SPTBN1: variants seen among roughly 807,000 people sequenced by gnomAD.
The protein encoded by SPTBN1 is spectrin beta, non-erythrocytic 1.
In SPTBN1, 32 loss-of-function variants were observed where a neutral mutation model predicts 266.4. The ratio of observed to expected loss-of-function variants is 0.12; its 90% CI spans 0.09 to 0.16. SPTBN1 has a LOEUF of 0.16. SPTBN1 is among the 10% of genes least tolerant of loss of function. The pLI is 1.00. For synonymous variants in SPTBN1, 1,336 were observed against 1,162.2 expected, an observed-to-expected ratio of 1.15 and a Z score of -3.04; for missense variants, 2,296 against 3,067.1, an observed-to-expected ratio of 0.75 and a Z score of 5.94.
chr2:54,548,835 A>G (rs565567667), intron 2 of SPTBN1, among the ~76,000 whole-genome samples: 7 of 152,316 alleles, frequency 4.6e-5, no homozygotes, highest in Admixed American at 3.3e-4. Context: ...AGATTAAGGT[A>G]TGCATGAGGG....
chr2:54,595,085 G>T (rs531983735), intron 2 of SPTBN1, among the ~76,000 whole-genome samples: 9 of 152,200 alleles, frequency 5.9e-5, no homozygotes, highest in South Asian at 4.1e-4. Flanking sequence ...CCACCTCTCA[G>T]CCTCCCAAAG....
At chr2:54,522,646 AAGAG>A (rs70944172) in intron 1 of SPTBN1, among the ~76,000 whole-genome samples, 1 of 56,870 alleles carries the variant, frequency 1.8e-5, no homozygotes, top group Admixed American at 1.7e-4. Flanking sequence ...GAAAGAAAGA[AAGAG>A]AGAGAGAAAG....
chr2:54,508,981 G>A (rs574964290), intron 1 of SPTBN1, among the ~76,000 whole-genome samples: 6 of 152,336 alleles, frequency 3.9e-5, no homozygotes, highest in African/African-American at 9.6e-5. Flanking sequence ...TTTAGAGTCA[G>A]TATAAATATT....
chr2:54,641,523 A>G (rs1414689568), intron 18 of SPTBN1, among the ~76,000 whole-genome samples: 2 of 152,156 alleles, frequency 1.3e-5, no homozygotes, highest in Admixed American at 6.5e-5. Context: ...AACATAGATA[A>G]TTTTTTCCAA....
rs775147323 is a variant in SPTBN1, at chr2:54,649,603, T to C, written c.5203-12T>C. The stretch of plus-strand genomic sequence containing the variant: ...GTGGGCTCTCTGATTTCCTTACCCA[T>C]CCCCGTTTCAGATGTTACAAGAACG... On this transcript the variant is annotated splice_polypyrimidine_tract_variant and intron_variant, in intron 25 of 35. Transcript: ENST00000356805. This position sits in a 1 kb window ranked among gnomAD's most constrained non-coding sequence, Gnocchi z 6.7. 3.7e-6 allele frequency: 6 copies of C among 1,602,632 alleles called. No homozygotes were observed. The East Asian group carries it at 1.3e-4, about 36-fold the overall frequency.
rs1349047575 is a variant in SPTBN1 at position 54,626,311 on chromosome 2, C to A, written c.1644+77C>A. Reference sequence around the variant, plus strand: ...CTTTTCTGTGACTCATTCACTAAACCCCTACGTACAGCTGTGTGCCTTGTC... The same window carrying A: ...CTTTTCTGTGACTCATTCACTAAACACCTACGTACAGCTGTGTGCCTTGTC... On this transcript the variant is annotated intron_variant, in intron 12 of 35. Transcript: ENST00000356805. The surrounding 1 kb of genome is among the most constrained non-coding windows in gnomAD (Gnocchi z 4.7). 7 of 1,494,030 alleles carry A rather than the reference C, an allele frequency of 4.7e-6. No individual in the cohort carries two copies. The highest frequency in any genetic ancestry group is 6.3e-6 in the Non-Finnish European group (7 of 1,111,560). 92.5% of individuals were successfully genotyped at this position (1,494,030 alleles called of 1,614,324 possible).
chr2:54,576,109 C>T (rs893756065), intron 2 of SPTBN1, among the ~76,000 whole-genome samples: 16 of 130,016 alleles, frequency 1.2e-4, no homozygotes, highest in African/African-American at 4.3e-4. Flanking sequence ...GGCTGGAGTG[C>T]AATGGTGCGA....
At position 54,658,007 on chromosome 2, in the gene SPTBN1, C is replaced by T; in HGVS notation, c.6204C>T (p.Thr2068=). ...AGGCATTTGAAAAGTCTGCAGCAAC[C>T]TGGGATGAGAGGTTCTCTGCCCTGG... ...RHEAFEKSAA[T]WDERFSALER... is the part of the protein sequence containing the mutation. Residue 2068 remains threonine, a synonymous_variant, in exon 30 of 36, where the codon ACC becomes ACT. Transcript: ENST00000356805. The T allele has an allele frequency of 6.2e-7, 1 of 1,614,260 alleles. No homozygotes were observed. Among genetic ancestry groups the T allele is most frequent in the Non-Finnish European group, 8.5e-7 (1 of 1,180,034 alleles).
rs1229059820 is a variant in SPTBN1, at chr2:54,507,047, A to T, written c.-47-19325A>T. On this transcript the variant is annotated intron_variant, in intron 1 of 35. Transcript: ENST00000356805. ...GAGTTAAGAGCAATGTTTTGGGGGC[A>T]GGGGGTGGATCTCACAAAGTACATT... 2.0e-5 allele frequency among the ~76,000 whole-genome samples: 3 copies of T among 152,072 alleles called. No individual in the cohort carries two copies. The East Asian group carries it at 5.8e-4, about 29-fold the overall frequency.
Position 54,643,274 on chromosome 2 carries a change from C to A in SPTBN1, c.4005+145C>A, listed in dbSNP as rs892048224. 8.9e-6 allele frequency: 11 copies of A among 1,240,436 alleles called. No homozygotes were observed. In the African/African-American group the frequency reaches 1.5e-4, roughly 17 times the overall value. The allele number at this position is 1,240,436 out of a possible 1,614,324, so 76.8% of individuals were successfully genotyped here. A position where few individuals can be genotyped will look rare whatever the true frequency, so the allele number is the denominator to read the frequency against. ...ACAGCCAGTAATAGCTCCCTTTGCA[C>A]GTACGGGTTCCTGACTTCAACCCAT... On this transcript the variant is annotated intron_variant, in intron 19 of 35. Coordinates refer to ENST00000356805, the MANE Select transcript of SPTBN1 (RefSeq NM_003128.3).
intron 1 of SPTBN1, among the ~76,000 whole-genome samples, chr2:54,495,252 A>C (rs1048893430): frequency 6.6e-6 from 1 of 152,192 alleles, no homozygotes; most frequent in African/African-American, 2.4e-5. Context: ...TACATCACTG[A>C]CGGGTGGTAA....
rs776515710 is a variant in SPTBN1 at position 54,529,469 on chromosome 2, A to T, written c.148+2903A>T. On this transcript the variant is annotated intron_variant, in intron 2 of 35. Coordinates refer to ENST00000356805, the MANE Select transcript of SPTBN1 (RefSeq NM_003128.3). ...CGGCCACAAAAAAAAGAAGATCCGC[A>T]TGTCACCCACCTTCCAGCGGCCCAA... 22 of 714,960 alleles carry T rather than the reference A, an allele frequency of 3.1e-5. No individual in the cohort carries two copies. The East Asian group carries it at 5.8e-4, about 19-fold the overall frequency. The allele number at this position is 714,960 out of a possible 1,614,324, so 44.3% of individuals were successfully genotyped here. A position where few individuals can be genotyped will look rare whatever the true frequency, so the allele number is the denominator to read the frequency against.
intron 18 of SPTBN1, 125 bp downstream of exon 18, chr2:54,637,928 C>A: frequency 1.3e-6 from 1 of 761,358 alleles, no homozygotes; most frequent in Non-Finnish European, 2.1e-6. Context: ...ACCCATTTGA[C>A]TCGCAGGCAG....
At chr2:54,562,445 C>T (rs185800696) in intron 2 of SPTBN1, among the ~76,000 whole-genome samples, 3 of 152,240 alleles carry the variant, frequency 2.0e-5, no homozygotes, top group African/African-American at 4.8e-5. Context: ...AAACCCATCC[C>T]TGGGTTTCAC....
chr2:54,567,897 T>G (rs1673773178), intron 2 of SPTBN1, among the ~76,000 whole-genome samples: 1 of 152,124 alleles, frequency 6.6e-6, no homozygotes, highest in South Asian at 2.1e-4. Context: ...AGTGAGAAAC[T>G]TAGAAACGAC....
intron 1 of SPTBN1, among the ~76,000 whole-genome samples, chr2:54,472,872 A>G (rs1693999591): frequency 6.6e-6 from 1 of 152,272 alleles, no homozygotes. Context: ...TACATGTTAA[A>G]TAGTAGATGG....
intron 30 of SPTBN1, among the ~76,000 whole-genome samples, chr2:54,658,934 G>C (rs775811631): frequency 5.9e-5 from 9 of 152,172 alleles, no homozygotes; most frequent in Non-Finnish European, 1.3e-4. Flanking sequence ...CAACTCACAG[G>C]AATTTTGCCA....
intron 2 of SPTBN1, among the ~76,000 whole-genome samples, chr2:54,579,684 ACTC>A (rs1406135072): frequency 6.6e-6 from 1 of 152,048 alleles, no homozygotes; most frequent in African/African-American, 2.4e-5. Context: ...AGTCCCGAGA[ACTC>A]CTGTTGACCT....
At chr2:54,648,876 G>C (rs1572751235) in intron 24 of SPTBN1, 110 bp from the exon 25 acceptor site, 1 of 1,053,396 alleles carries the variant, frequency 9.5e-7, no homozygotes, top group East Asian at 2.7e-5. Flanking sequence ...TTTCCTTTGA[G>C]AAATATGATG....
Sources: allele counts gnomAD v4.1 joint callset (sites outside exome capture counted in the v4.1 genomes callset), GRCh38; gene constraint gnomAD v4.1.1; non-coding constraint Gnocchi (gnomAD v3.1); transcripts MANE v1.5; gene names NCBI Gene and HGNC (gene_info 2026-07-23, HGNC 2026-07-21).